The following PTPRD variants were observed in gnomAD, a reference collection of about 807,000 sequenced individuals.
PTPRD encodes the protein receptor-type tyrosine-protein phosphatase delta.
In PTPRD, 34 loss-of-function variants were observed where a neutral mutation model predicts 214.5. That is an observed-to-expected ratio of 0.16 (90% confidence interval 0.12 to 0.21). PTPRD has a LOEUF of 0.21. Ranked by LOEUF, PTPRD falls within the 10% of genes least tolerant of loss-of-function variation. The probability of loss-of-function intolerance (pLI) is 1.00; values close to 1 mark genes in which losing one functional copy is unlikely to be tolerated. For synonymous variants in PTPRD, 1,128 were observed against 845.7 expected (o/e 1.33, Z -5.79); for missense variants, 2,545 against 2,398.7 (o/e 1.06, Z -1.27).
intron 4 of PTPRD, among the ~76,000 whole-genome samples, chr9:10,025,368 G>A (rs144681960): frequency 1.3e-5 from 2 of 152,140 alleles, no homozygotes; most frequent in African/African-American, 2.4e-5. Flanking sequence ...CATTTCCAAT[G>A]TCCAATTTTG....
chr9:9,481,378 G>A (rs2095407852), intron 8 of PTPRD, among the ~76,000 whole-genome samples: 1 of 151,966 alleles, frequency 6.6e-6, no homozygotes, highest in Non-Finnish European at 1.5e-5. Context: ...ACAGTGACAG[G>A]AACATCAACA....
intron 11 of PTPRD, among the ~76,000 whole-genome samples, chr9:8,919,384 C>A (rs1470135662): frequency 1.0e-5 from 1 of 97,836 alleles, no homozygotes; most frequent in Non-Finnish European, 2.1e-5. Context: ...AGAGTGAGAC[C>A]CTGTCTCAAA....
At chr9:9,382,525 T>G (rs2062642636) in intron 9 of PTPRD, among the ~76,000 whole-genome samples, 1 of 152,200 alleles carries the variant, frequency 6.6e-6, no homozygotes, top group East Asian at 1.9e-4. Context: ...AGGGCTTGAA[T>G]AGACATTTCC....
At chr9:9,687,635 AG>A (rs1448424664) in intron 7 of PTPRD, among the ~76,000 whole-genome samples, 1 of 151,646 alleles carries the variant, frequency 6.6e-6, no homozygotes, top group African/African-American at 2.4e-5. Context: ...TAATAAAAAA[AG>A]AAAAAAAAAA....
At chr9:9,697,557 A>T (rs954276258) in intron 7 of PTPRD, among the ~76,000 whole-genome samples, 1 of 152,106 alleles carries the variant, frequency 6.6e-6, no homozygotes, top group Non-Finnish European at 1.5e-5. Flanking sequence ...TTGCCAAAAA[A>T]ATTGGAAGTC....
intron 39 of PTPRD, among the ~76,000 whole-genome samples, chr9:8,362,548 T>C (rs138141048): frequency 3.3e-5 from 5 of 152,296 alleles, no homozygotes; most frequent in Middle Eastern, 6.8e-3. Flanking sequence ...TTGATTAGAA[T>C]TGGAGTTGGT....
intron 12 of PTPRD, among the ~76,000 whole-genome samples, chr9:8,714,779 C>A (rs2098412946): frequency 3.3e-5 from 5 of 152,112 alleles, no homozygotes; most frequent in African/African-American, 7.2e-5. Flanking sequence ...CCATCATGCA[C>A]CCTCCTGATT....
chr9:8,670,427 T>C (rs550373820), intron 12 of PTPRD, among the ~76,000 whole-genome samples: 1 of 152,158 alleles, frequency 6.6e-6, no homozygotes, highest in South Asian at 2.1e-4. Flanking sequence ...GTATGGATTA[T>C]AGTCTACATG....
intron 6 of PTPRD, among the ~76,000 whole-genome samples, chr9:9,747,271 T>G (rs768882513): frequency 1.1e-4 from 16 of 152,074 alleles, no homozygotes; most frequent in Non-Finnish European, 1.2e-4. Flanking sequence ...GCTCATGATT[T>G]CCGATATGAA....
At chr9:8,741,645 G>A (rs1193415890) in intron 11 of PTPRD, among the ~76,000 whole-genome samples, 1 of 130,244 alleles carries the variant, frequency 7.7e-6, no homozygotes, top group African/African-American at 3.2e-5. Flanking sequence ...GTGCAGTGGT[G>A]TGATCTCGGC....
rs141901710 is a variant in PTPRD, at chr9:9,197,695, G to A, written c.-202-14332C>T. 6.4e-3 allele frequency among the ~76,000 whole-genome samples: 968 copies of A among 152,306 alleles called. 11 individuals carry two copies. Among genetic ancestry groups the A allele is most frequent in the African/African-American group, 0.022 (899 of 41,568 alleles). Reference sequence around the variant, plus strand: ...CAAAGTGCTGGGATTACAGGCATGAGCCACCATGTCCGGCCTATTTTTCTT... The same window carrying A: ...CAAAGTGCTGGGATTACAGGCATGAACCACCATGTCCGGCCTATTTTTCTT... On this transcript the variant is annotated intron_variant, in intron 9 of 45. Transcript: ENST00000381196.
At chr9:8,564,654 C>T (rs564250452) in intron 14 of PTPRD, among the ~76,000 whole-genome samples, 18 of 152,220 alleles carry the variant, frequency 1.2e-4, no homozygotes, top group African/African-American at 3.4e-4. Flanking sequence ...GAGCCAAGAT[C>T]GTGCCACTGT....
intron 34 of PTPRD, among the ~76,000 whole-genome samples, chr9:8,439,007 T>G (rs2095452022): frequency 6.6e-6 from 1 of 152,192 alleles, no homozygotes; most frequent in African/African-American, 2.4e-5. Flanking sequence ...GTCATTATAT[T>G]CCACATCAGA....
chr9:9,612,577 T>C (rs1353527179), intron 7 of PTPRD, among the ~76,000 whole-genome samples: 1 of 152,132 alleles, frequency 6.6e-6, no homozygotes, highest in Non-Finnish European at 1.5e-5. Context: ...TTTCTTTCCT[T>C]CCACTTCAAA....
chr9:9,498,978 G>C (rs189447389), intron 8 of PTPRD, among the ~76,000 whole-genome samples: 1 of 151,266 alleles, frequency 6.6e-6, no homozygotes, highest in South Asian at 2.1e-4. Flanking sequence ...ACTTGCTCTT[G>C]CTGTCTCACT....
At chr9:9,141,661 C>A (rs2099860639) in intron 10 of PTPRD, among the ~76,000 whole-genome samples, 1 of 150,968 alleles carries the variant, frequency 6.6e-6, no homozygotes, top group African/African-American at 2.4e-5. Flanking sequence ...CACACCAACA[C>A]CCATTAAAAA....
At chr9:10,425,218 TAG>T (rs2098601595) in intron 2 of PTPRD, among the ~76,000 whole-genome samples, 1 of 151,920 alleles carries the variant, frequency 6.6e-6, no homozygotes, top group Non-Finnish European at 1.5e-5. Flanking sequence ...GTCAGCTCAT[TAG>T]AGTTATTCAA....
At chr9:10,165,820 T>G (rs2099155614) in intron 3 of PTPRD, among the ~76,000 whole-genome samples, 1 of 151,030 alleles carries the variant, frequency 6.6e-6, no homozygotes, top group African/African-American at 2.4e-5. Flanking sequence ...GAATATAATA[T>G]CATGTTTATG....
At chr9:9,734,121 CTT>C (rs2098250133) in intron 7 of PTPRD, among the ~76,000 whole-genome samples, 1 of 152,156 alleles carries the variant, frequency 6.6e-6, no homozygotes, top group Non-Finnish European at 1.5e-5. Flanking sequence ...TACTGAAAAA[CTT>C]TTAAACACCC....
Sources: gnomAD v4.1 joint callset for allele counts (sites outside exome capture counted in the v4.1 genomes callset) on GRCh38, gnomAD v4.1.1 for gene constraint, MANE v1.5 for transcripts, NCBI Gene and HGNC (gene_info 2026-07-23, HGNC 2026-07-21) for gene names.